Variants in RBFOX1 observed in about 807,000 individuals in gnomAD.
RBFOX1 encodes the protein RNA binding protein fox-1 homolog 1.
Under a neutral mutation model 57.7 loss-of-function variants are expected in RBFOX1, and 8 were observed. The ratio of observed to expected loss-of-function variants is 0.14; its 90% confidence interval spans 0.08 to 0.25. The LOEUF is 0.25. Among genes scored for constraint, RBFOX1 ranks in the 10% least tolerant of loss-of-function variants. The pLI is 1.00. For missense variants in RBFOX1, 611 were observed against 548.5 expected, an observed-to-expected ratio of 1.11 and a Z score of -1.14; for synonymous variants, 326 against 222.4, an observed-to-expected ratio of 1.47 and a Z score of -4.15.
intron 3 of RBFOX1, among the ~76,000 whole-genome samples, chr16:5,746,530 A>G (rs188131769): frequency 8.5e-5 from 13 of 152,362 alleles, no homozygotes; most frequent in East Asian, 5.8e-4. Flanking sequence ...TACCTTGGGC[A>G]GTATGGCCAT....
intron 4 of RBFOX1, among the ~76,000 whole-genome samples, chr16:7,488,013 C>G (rs1368168261): frequency 6.6e-6 from 1 of 152,076 alleles, no homozygotes; most frequent in Non-Finnish European, 1.5e-5. Flanking sequence ...AAGAGGCCGG[C>G]CTTGTGAATG....
intron 1 of RBFOX1, among the ~76,000 whole-genome samples, chr16:6,085,335 C>G (rs566307781): frequency 6.6e-6 from 1 of 152,186 alleles, no homozygotes; most frequent in Non-Finnish European, 1.5e-5. Flanking sequence ...TGCAGTGGTA[C>G]GATCTTGGCT....
In RBFOX1 at chr16:5,319,212, A is replaced by G. The variant is rs185405669; in HGVS notation, c.219+79107A>G. ...GCAGAATAGGTCAGAGATTCGAAGC[A>G]TAAGTACTTGACCCACTTGTGATGG... On this transcript the variant is annotated intron_variant, in intron 1 of 2. Transcript: ENST00000585867. Among the ~76,000 whole-genome samples, 4 of 152,352 alleles carry G rather than the reference A, an allele frequency of 2.6e-5. No individual in the cohort carries two copies. The East Asian group carries it at 5.8e-4, about 22-fold the overall frequency.
At chr16:6,719,353 A>C (rs1420412963) in intron 3 of RBFOX1, among the ~76,000 whole-genome samples, 2 of 152,206 alleles carry the variant, frequency 1.3e-5, no homozygotes, top group Admixed American at 6.5e-5. Flanking sequence ...AAAAGACCCC[A>C]GTGTTAAAAT....
chr16:5,380,183 C>A (rs2066095977), intron 1 of RBFOX1, among the ~76,000 whole-genome samples: 1 of 152,210 alleles, frequency 6.6e-6, no homozygotes, highest in Non-Finnish European at 1.5e-5. Flanking sequence ...CCGCCTGGCT[C>A]CACTTCCTGG....
At chr16:5,778,048 G>A (rs1397045640) in intron 3 of RBFOX1, among the ~76,000 whole-genome samples, 2 of 152,180 alleles carry the variant, frequency 1.3e-5, no homozygotes, top group Non-Finnish European at 2.9e-5. Context: ...GTGCAGTGGT[G>A]AGCTGGAACC....
intron 4 of RBFOX1, among the ~76,000 whole-genome samples, chr16:7,397,774 G>GTGGTA (rs2098166816): frequency 6.6e-6 from 1 of 152,266 alleles, no homozygotes; most frequent in East Asian, 1.9e-4. Flanking sequence ...TAGATTTACG[G>GTGGTA]TGGTATGAAC....
chr16:6,057,470 G>C (rs916720614), intron 1 of RBFOX1, among the ~76,000 whole-genome samples: 3 of 151,926 alleles, frequency 2.0e-5, no homozygotes, highest in Admixed American at 2.0e-4. Context: ...AATATTTATT[G>C]AGGGCTTCCC....
At chr16:7,180,034 A>T (rs1373492704) in intron 4 of RBFOX1, among the ~76,000 whole-genome samples, 1 of 152,020 alleles carries the variant, frequency 6.6e-6, no homozygotes. Context: ...TGAGCCACTG[A>T]GTCCAGACCT....
chr16:5,303,615 T>C (rs1032832862), intron 1 of RBFOX1, among the ~76,000 whole-genome samples: 7 of 152,156 alleles, frequency 4.6e-5, no homozygotes, highest in African/African-American at 1.7e-4. Context: ...CAAACAGCGC[T>C]TGGGTCCCTT....
intron 1 of RBFOX1, among the ~76,000 whole-genome samples, chr16:6,309,106 C>T (rs756595213): frequency 2.0e-5 from 3 of 151,944 alleles, no homozygotes; most frequent in East Asian, 3.9e-4. Flanking sequence ...CCACTGCGTT[C>T]GCCTGTTTTG....
intron 3 of RBFOX1, among the ~76,000 whole-genome samples, chr16:5,795,721 T>G (rs909763475): frequency 6.6e-6 from 1 of 152,228 alleles, no homozygotes; most frequent in Non-Finnish European, 1.5e-5. Flanking sequence ...ATAGATCCAT[T>G]TCCCCCATTA....
At chr16:5,861,703 A>G (rs954110749) in intron 3 of RBFOX1, among the ~76,000 whole-genome samples, 2 of 152,196 alleles carry the variant, frequency 1.3e-5, no homozygotes, top group African/African-American at 4.8e-5. Context: ...TTTCATACAC[A>G]GGGCATTTGT....
chr16:6,520,011 C>A (rs1395254825), intron 2 of RBFOX1, among the ~76,000 whole-genome samples: 1 of 152,136 alleles, frequency 6.6e-6, no homozygotes, highest in Non-Finnish European at 1.5e-5. Flanking sequence ...GGGAGAGACA[C>A]AAAAACATTG....
At chr16:6,718,655 C>G (rs1475424751) in intron 3 of RBFOX1, among the ~76,000 whole-genome samples, 2 of 152,142 alleles carry the variant, frequency 1.3e-5, no homozygotes, top group African/African-American at 4.8e-5. Context: ...TGGGAACGGA[C>G]TTCCCCCTTG....
At chr16:5,271,885 C>T (rs1438551966) in intron 1 of RBFOX1, among the ~76,000 whole-genome samples, 1 of 152,200 alleles carries the variant, frequency 6.6e-6, no homozygotes, top group Non-Finnish European at 1.5e-5. Flanking sequence ...TCACTTAACA[C>T]AGTGTCTTTC....
chr16:6,012,136 A>C (rs956663818), intron 4 of RBFOX1, among the ~76,000 whole-genome samples: 1 of 152,162 alleles, frequency 6.6e-6, no homozygotes, highest in Non-Finnish European at 1.5e-5. Flanking sequence ...ACTGAGCTGG[A>C]TTTGGATCCT....
chr16:6,238,650 C>G lies in RBFOX1; in HGVS notation c.-126-78345C>G, dbSNP rs183385051. Among the ~76,000 whole-genome samples the G allele has an allele frequency of 7.6e-4, 115 of 152,304 alleles. 1 individual carries two copies. The highest frequency in any genetic ancestry group is 1.8e-4 in the Non-Finnish European group (12 of 68,034). ...TATCAAAATTTGGCCGCACTCCACA[C>G]CAAACAAATGAGAATCCCAGCAGCT... is the stretch of plus-strand genomic sequence containing the variant. On this transcript the variant is annotated intron_variant, in intron 1 of 15. Coordinates refer to ENST00000550418, the MANE Select transcript of RBFOX1 (RefSeq NM_018723.4).
intron 2 of RBFOX1, among the ~76,000 whole-genome samples, chr16:6,445,028 G>C (rs2094457131): frequency 6.6e-6 from 1 of 152,050 alleles, no homozygotes; most frequent in Non-Finnish European, 1.5e-5. Flanking sequence ...GGCAGGAGAT[G>C]ATGAGACCCT....
Sources: allele counts gnomAD v4.1 joint callset (sites outside exome capture counted in the v4.1 genomes callset), GRCh38; gene constraint gnomAD v4.1.1; transcripts MANE v1.5; gene names NCBI Gene and HGNC (gene_info 2026-07-23, HGNC 2026-07-21).